The following ZNF469 variants were observed in gnomAD, a reference collection of about 807,000 sequenced individuals.
ZNF469 encodes zinc finger protein 469.
ZNF469 carries 1 observed loss-of-function variant against 1.0 expected under a neutral mutation model. The ratio of observed to expected loss-of-function variants is 1.00; its 90% confidence interval spans 0.35 to 4.73. The LOEUF is 4.73. ZNF469 is among the 30% of genes most tolerant of loss of function. ZNF469 has a pLI of 0.16. For missense variants in ZNF469, 6,100 were observed against 5,356.3 expected, an observed-to-expected ratio of 1.14 and a Z score of -4.33; for synonymous variants, 2,703 against 2,363.4, an observed-to-expected ratio of 1.14 and a Z score of -4.17.
At chr16:88,216,261 C>T in the ZNF469 span, among the ~76,000 whole-genome samples, 7 of 152,148 alleles carry the variant, frequency 4.6e-5, no homozygotes, top group South Asian at 1.2e-3. Flanking sequence ...TTTGGGAGGC[C>T]GAGGCGGGTG....
the ZNF469 span, among the ~76,000 whole-genome samples, chr16:88,320,450 G>A: frequency 2.0e-5 from 3 of 152,072 alleles, no homozygotes; most frequent in Admixed American, 2.0e-4. Context: ...ATGGCATGAT[G>A]TGAGCTCACT....
chr16:88,332,013 T>G, the ZNF469 span, among the ~76,000 whole-genome samples: 4 of 152,294 alleles, frequency 2.6e-5, no homozygotes, highest in East Asian at 7.7e-4. Flanking sequence ...CAGAGCTGGG[T>G]TTGACCCTCT....
the ZNF469 span, among the ~76,000 whole-genome samples, chr16:88,329,483 C>T: frequency 2.0e-5 from 3 of 152,174 alleles, no homozygotes; most frequent in Non-Finnish European, 4.4e-5. Context: ...TCCCGCTGGC[C>T]CTCTGAGGGC....
At chr16:88,241,825 G>T in the ZNF469 span, among the ~76,000 whole-genome samples, 2 of 152,310 alleles carry the variant, frequency 1.3e-5, no homozygotes, top group Non-Finnish European at 2.9e-5. The surrounding 1 kb of genome is among the most constrained non-coding windows in gnomAD (Gnocchi z 4.8). Context: ...GCCCTTCAGG[G>T]TGAGGGACCT....
At chr16:88,393,431 G>A (rs548037518) in intron 1 of ZNF469, among the ~76,000 whole-genome samples, 99 of 152,330 alleles carry the variant, frequency 6.5e-4, no homozygotes, top group African/African-American at 2.3e-3. Flanking sequence ...TGTTTATGCC[G>A]GACCGGTGCC....
At chr16:88,249,073 C>T in the ZNF469 span, among the ~76,000 whole-genome samples, 1 of 152,088 alleles carries the variant, frequency 6.6e-6, no homozygotes. Context: ...CTTTTTAACC[C>T]CACATCCATT....
At chr16:88,380,972 TCA>T (rs1301260958), upstream of ZNF469, among the ~76,000 whole-genome samples, 18 of 90,942 alleles carry the variant, frequency 2.0e-4, no homozygotes, top group African/African-American at 8.7e-4. Context: ...AGACATGCAC[TCA>T]CACATATGCA....
At chr16:88,326,615 C>G in the ZNF469 span, among the ~76,000 whole-genome samples, 1 of 152,304 alleles carries the variant, frequency 6.6e-6, no homozygotes, top group South Asian at 2.1e-4. Context: ...CTCCAGCCAC[C>G]TCACATGGAG....
At chr16:88,330,183 T>C in the ZNF469 span, among the ~76,000 whole-genome samples, 9 of 152,254 alleles carry the variant, frequency 5.9e-5, no homozygotes, top group Non-Finnish European at 1.2e-4. Context: ...TGGGCACTTA[T>C]GCTGTGGCTG....
chr16:88,216,397 G>C, the ZNF469 span, among the ~76,000 whole-genome samples: 3 of 151,920 alleles, frequency 2.0e-5, no homozygotes, highest in African/African-American at 7.3e-5. Flanking sequence ...GGGAGGCTGA[G>C]GCAGGAGAAT....
At chr16:88,179,320 G>A in the ZNF469 span, among the ~76,000 whole-genome samples, 2 of 152,140 alleles carry the variant, frequency 1.3e-5, no homozygotes, top group African/African-American at 2.4e-5. Context: ...TAGTTCCTGC[G>A]TGAGCCAGGT....
chr16:88,371,929 ACCATCACCACCATCATC>A, the ZNF469 span, among the ~76,000 whole-genome samples: 1 of 6,684 alleles, frequency 1.5e-4, no homozygotes, highest in South Asian at 2.1e-3. Context: ...TACCACCATC[ACCATCACCACCATCATC>A]ACCATCACCA....
At chr16:88,233,643 C>T in the ZNF469 span, among the ~76,000 whole-genome samples, 2 of 152,194 alleles carry the variant, frequency 1.3e-5, no homozygotes, top group Non-Finnish European at 2.9e-5. Context: ...AAACAGGATC[C>T]CAAAACCTCA....
At chr16:88,256,895 C>CT in the ZNF469 span, among the ~76,000 whole-genome samples, 89 of 51,470 alleles carry the variant, frequency 1.7e-3, 20 homozygotes, top group Admixed American at 3.8e-3. Context: ...CTTTTCTTTC[C>CT]TTCTTTCTTT....
the ZNF469 span, among the ~76,000 whole-genome samples, chr16:88,326,003 C>A: frequency 6.6e-6 from 1 of 152,228 alleles, no homozygotes; most frequent in Non-Finnish European, 1.5e-5. Context: ...TGTGATTGCG[C>A]CCCCTCCCCA....
chr16:88,139,997 C>T, the ZNF469 span, among the ~76,000 whole-genome samples: 1 of 152,220 alleles, frequency 6.6e-6, no homozygotes, highest in Non-Finnish European at 1.5e-5. Context: ...CTCCAATAAA[C>T]AGCCACAGGA....
the ZNF469 span, among the ~76,000 whole-genome samples, chr16:88,124,675 C>T: frequency 6.6e-6 from 1 of 152,210 alleles, no homozygotes; most frequent in African/African-American, 2.4e-5. Flanking sequence ...ACCTCTGCCT[C>T]CCGGGTTCAA....
chr16:88,124,903 GTTTAA>G, the ZNF469 span, among the ~76,000 whole-genome samples: 3 of 152,226 alleles, frequency 2.0e-5, no homozygotes, highest in East Asian at 1.9e-4. Flanking sequence ...AGTTTTCGAT[GTTTAA>G]TTTATCAGTC....
chr16:88,130,035 T>G, the ZNF469 span, among the ~76,000 whole-genome samples: 2 of 150,466 alleles, frequency 1.3e-5, no homozygotes, highest in Middle Eastern at 3.4e-3. Context: ...TAGTTTTCTC[T>G]TCAGTGAAAA....
Sources: allele counts gnomAD v4.1 joint callset (sites outside exome capture counted in the v4.1 genomes callset), GRCh38; gene constraint gnomAD v4.1.1; non-coding constraint Gnocchi (gnomAD v3.1); transcripts MANE v1.5; gene names NCBI Gene and HGNC (gene_info 2026-07-23, HGNC 2026-07-21).